Variants in WWOX observed in about 807,000 individuals in gnomAD.
WWOX encodes WW domain-containing oxidoreductase.
WWOX carries 69 observed loss-of-function variants against 46.2 expected under a neutral mutation model. The observed-to-expected ratio is 1.49, with a 90% confidence interval of 1.23 to 1.82. The LOEUF (loss-of-function observed/expected upper bound fraction) is 1.82, where lower values mean the gene tolerates loss of function less well. WWOX is among the 40% of genes most tolerant of loss of function. The pLI, the probability that WWOX is intolerant of heterozygous loss-of-function variation, is 0.00. For missense variants in WWOX, 919 were observed against 542.6 expected (o/e 1.69, Z -6.89); for synonymous variants, 359 against 202.6 (o/e 1.77, Z -6.56).
At chr16:78,180,856 C>T (rs917416832) in intron 5 of WWOX, among the ~76,000 whole-genome samples, 3 of 152,160 alleles carry the variant, frequency 2.0e-5, no homozygotes, top group South Asian at 2.1e-4. Context: ...ATCCAGCAGA[C>T]GTCCGGACTG....
intron 8 of WWOX, among the ~76,000 whole-genome samples, chr16:78,445,898 G>A (rs1041317064): frequency 6.6e-6 from 1 of 151,042 alleles, no homozygotes; most frequent in Non-Finnish European, 1.5e-5. Flanking sequence ...GCAGGGCAGG[G>A]GAGGGGGGAA....
At chr16:78,846,283 A>G (rs558872375) in intron 8 of WWOX, among the ~76,000 whole-genome samples, 2 of 152,216 alleles carry the variant, frequency 1.3e-5, no homozygotes, top group East Asian at 3.8e-4. Flanking sequence ...TTATGATGCT[A>G]TTAACTACAC....
At chr16:78,584,740 A>T (rs533368801) in intron 8 of WWOX, among the ~76,000 whole-genome samples, 1 of 152,348 alleles carries the variant, frequency 6.6e-6, no homozygotes. Context: ...GTGATCTTAA[A>T]GGGGCAGGAA....
chr16:79,149,792 C>T (rs1475743124), intron 8 of WWOX, among the ~76,000 whole-genome samples: 1 of 152,196 alleles, frequency 6.6e-6, no homozygotes, highest in African/African-American at 2.4e-5. Context: ...GCTTGGTATA[C>T]ATCACTCAGT....
In WWOX at chr16:78,310,536, G is replaced by A. The variant is rs143527014; in HGVS notation, c.517-76324G>A. On this transcript the variant is annotated intron_variant, in intron 5 of 8. Coordinates refer to ENST00000566780, the MANE Select transcript of WWOX (RefSeq NM_016373.4). The stretch of plus-strand genomic sequence containing the variant: ...CCATTGCAGCTAAGTGGACCTGAAT[G>A]TACAGTAAGACTTAGTGGTCACCAG... Among the ~76,000 whole-genome samples, 458 of 152,344 alleles carry A rather than the reference G, an allele frequency of 3.0e-3. 3 individuals are homozygous for A. Among genetic ancestry groups the A allele is most frequent in the Middle Eastern group, 6.8e-3 (2 of 294 alleles).
At chr16:78,811,915 C>T (rs141158195) in intron 8 of WWOX, among the ~76,000 whole-genome samples, 28 of 152,212 alleles carry the variant, frequency 1.8e-4, no homozygotes, top group African/African-American at 6.5e-4. Flanking sequence ...TAAGATATAC[C>T]TGTTAGGGTT....
intron 5 of WWOX, among the ~76,000 whole-genome samples, chr16:78,256,444 A>G (rs2038134395): frequency 6.6e-6 from 1 of 151,896 alleles, no homozygotes; most frequent in Non-Finnish European, 1.5e-5. Flanking sequence ...GAGAAAGGAA[A>G]TTTTTGCTCC....
chr16:78,407,339 C>T (rs1239905793), intron 6 of WWOX, among the ~76,000 whole-genome samples: 4 of 152,144 alleles, frequency 2.6e-5, no homozygotes, highest in Non-Finnish European at 4.4e-5. Context: ...ATTCTGCTTC[C>T]AGGAGGGATT....
intron 5 of WWOX, among the ~76,000 whole-genome samples, chr16:78,218,010 A>G (rs903944463): frequency 6.6e-6 from 1 of 151,630 alleles, no homozygotes; most frequent in African/African-American, 2.4e-5. Context: ...CACCCCCTCA[A>G]TTTTTTTACT....
At chr16:78,654,203 C>T (rs150659561) in intron 8 of WWOX, among the ~76,000 whole-genome samples, 7 of 151,536 alleles carry the variant, frequency 4.6e-5, no homozygotes, top group East Asian at 1.9e-4. Flanking sequence ...CCTGGGTGGG[C>T]GATTTGAATA....
intron 8 of WWOX, among the ~76,000 whole-genome samples, chr16:78,907,977 C>T (rs1161474585): frequency 6.6e-6 from 1 of 152,156 alleles, no homozygotes; most frequent in Non-Finnish European, 1.5e-5. Flanking sequence ...CACAGCTTTG[C>T]AGGCTTTGGG....
Position 79,212,062 on chromosome 16 carries a change from G to C in WWOX, c.*266G>C. 4.6e-6 allele frequency: 7 copies of C among 1,536,418 alleles called. No homozygotes were observed. The highest frequency in any genetic ancestry group is 5.2e-6 in the Non-Finnish European group (6 of 1,146,938). On this transcript the variant is annotated 3_prime_UTR_variant, in exon 9 of 9. Coordinates refer to ENST00000566780, the MANE Select transcript of WWOX (RefSeq NM_016373.4). Reference sequence around the variant, plus strand: ...CCTGTTTGAAAGTAAAAACCTGCTTGGTGTGTAGGTTCCGTATCTCCCTGG... The same window carrying C: ...CCTGTTTGAAAGTAAAAACCTGCTTCGTGTGTAGGTTCCGTATCTCCCTGG...
intron 8 of WWOX, among the ~76,000 whole-genome samples, chr16:79,178,070 T>A (rs900000530): frequency 1.3e-5 from 2 of 152,176 alleles, no homozygotes; most frequent in African/African-American, 2.4e-5. Context: ...AAATCCACTC[T>A]TGTGATCTAA....
intron 8 of WWOX, among the ~76,000 whole-genome samples, chr16:78,511,327 CTA>C (rs1567614416): frequency 6.6e-6 from 1 of 152,204 alleles, no homozygotes; most frequent in Non-Finnish European, 1.5e-5. Flanking sequence ...GGTCCAGACA[CTA>C]TGACCGTTGA....
At position 78,382,087 on chromosome 16, in the gene WWOX, TG is replaced by T. The variant is rs1206470579; in HGVS notation, c.517-4771del. On this transcript the variant is annotated intron_variant, in intron 5 of 8. Coordinates refer to ENST00000566780, the MANE Select transcript of WWOX (RefSeq NM_016373.4). ...ATGTCTTTGTGACTTTTTTTTATAA[TG>T]GATGTGAGTGTGAAGTAGGAGTTGG... Among the ~76,000 whole-genome samples the T allele has an allele frequency of 2.0e-5, 3 of 152,304 alleles. No homozygotes were observed. The South Asian group carries it at 6.2e-4, about 32-fold the overall frequency.
chr16:79,194,318 C>T (rs1315808503), intron 8 of WWOX, among the ~76,000 whole-genome samples: 1 of 152,148 alleles, frequency 6.6e-6, no homozygotes, highest in African/African-American at 2.4e-5. Context: ...ATTCATTCAT[C>T]CTTTTAGAGA....
chr16:78,376,792 A>G (rs1308212405), intron 5 of WWOX, among the ~76,000 whole-genome samples: 1 of 151,978 alleles, frequency 6.6e-6, no homozygotes, highest in Middle Eastern at 3.2e-3. Context: ...ATCAGAGCAG[A>G]CTCTGCTCAC....
intron 8 of WWOX, among the ~76,000 whole-genome samples, chr16:78,993,095 A>G (rs990014534): frequency 1.2e-4 from 19 of 152,192 alleles, no homozygotes; most frequent in African/African-American, 3.9e-4. Flanking sequence ...AGGAAATTTA[A>G]CTTTTGTGGA....
intron 8 of WWOX, among the ~76,000 whole-genome samples, chr16:78,748,750 C>A (rs996434052): frequency 6.6e-6 from 1 of 152,204 alleles, no homozygotes; most frequent in Non-Finnish European, 1.5e-5. Flanking sequence ...CATGCACACT[C>A]GGATTACACT....
Sources: gnomAD v4.1 joint callset for allele counts (sites outside exome capture counted in the v4.1 genomes callset) on GRCh38, gnomAD v4.1.1 for gene constraint, MANE v1.5 for transcripts, NCBI Gene and HGNC (gene_info 2026-07-23, HGNC 2026-07-21) for gene names.